SLC24A2: variants seen among roughly 807,000 people sequenced by gnomAD.
SLC24A2 encodes the protein solute carrier family 24 member 2, also known as sodium/potassium/calcium exchanger 2.
SLC24A2 carries 36 observed loss-of-function variants against 62.0 expected under a neutral mutation model. The ratio of observed to expected loss-of-function variants is 0.58; its 90% confidence interval spans 0.44 to 0.77. The LOEUF is 0.77. Among genes scored for constraint, SLC24A2 ranks in the 30% least tolerant of loss-of-function variants. The pLI is 0.00. For missense variants in SLC24A2, 846 were observed against 817.9 expected (o/e 1.03, Z -0.42); for synonymous variants, 358 against 294.0 (o/e 1.22, Z -2.23).
the SLC24A2 span, among the ~76,000 whole-genome samples, chr9:20,101,347 C>G: frequency 1.3e-5 from 2 of 152,196 alleles, no homozygotes; most frequent in Non-Finnish European, 2.9e-5. Flanking sequence ...TTGTTCAGTA[C>G]CTTGCTGTAG....
the SLC24A2 span, among the ~76,000 whole-genome samples, chr9:20,206,543 G>A: frequency 1.3e-5 from 2 of 152,108 alleles, no homozygotes; most frequent in Non-Finnish European, 2.9e-5. Flanking sequence ...AGGCTGGAGT[G>A]CAGTGGCACA....
chr9:19,753,467 A>T (rs1355313823), intron 2 of SLC24A2, among the ~76,000 whole-genome samples: 1 of 152,338 alleles, frequency 6.6e-6, no homozygotes, highest in East Asian at 1.9e-4. Context: ...GTTCATTTTC[A>T]TACAGTTGGG....
intron 7 of SLC24A2, among the ~76,000 whole-genome samples, chr9:19,568,103 T>C (rs1293064708): frequency 6.6e-6 from 1 of 152,198 alleles, no homozygotes; most frequent in Non-Finnish European, 1.5e-5. Flanking sequence ...ACCTCACTCT[T>C]AACGGAACTT....
intron 7 of SLC24A2, among the ~76,000 whole-genome samples, chr9:19,552,721 C>G (rs1834905012): frequency 6.6e-6 from 1 of 152,216 alleles, no homozygotes; most frequent in African/African-American, 2.4e-5. Flanking sequence ...TGACTCATAT[C>G]ATTTTAATGA....
intron 2 of SLC24A2, among the ~76,000 whole-genome samples, chr9:19,646,302 A>G (rs1459944370): frequency 6.6e-6 from 1 of 152,200 alleles, no homozygotes; most frequent in African/African-American, 2.4e-5. Flanking sequence ...GAAAATCTGA[A>G]GAGAAATTGT....
the SLC24A2 span, among the ~76,000 whole-genome samples, chr9:19,903,672 CAG>C: frequency 6.6e-6 from 1 of 152,096 alleles, no homozygotes; most frequent in Admixed American, 6.5e-5. Flanking sequence ...TATGAAATCT[CAG>C]AAATATCCAC....
the SLC24A2 span, among the ~76,000 whole-genome samples, chr9:19,990,989 T>C: frequency 6.9e-6 from 1 of 144,780 alleles, no homozygotes; most frequent in East Asian, 2.0e-4. Context: ...ATGTATGTAT[T>C]ATATATGTGT....
the SLC24A2 span, among the ~76,000 whole-genome samples, chr9:20,009,407 C>T: frequency 2.1e-5 from 3 of 143,190 alleles, no homozygotes; most frequent in East Asian, 2.2e-4. Context: ...AAAAAAAAAG[C>T]GGGCGGGTGA....
intron 2 of SLC24A2, among the ~76,000 whole-genome samples, chr9:19,634,222 A>G (rs1818251434): frequency 6.6e-6 from 1 of 151,022 alleles, no homozygotes; most frequent in Non-Finnish European, 1.5e-5. Context: ...ACAGCAATAC[A>G]GGTAGTATGG....
chr9:20,204,534 T>C, the SLC24A2 span, among the ~76,000 whole-genome samples: 1 of 152,136 alleles, frequency 6.6e-6, no homozygotes, highest in Non-Finnish European at 1.5e-5. Flanking sequence ...TATTGACTTA[T>C]CCTGGACCAA....
chr9:19,697,652 T>C lies in SLC24A2; in HGVS notation c.931-75353A>G, dbSNP rs538903154. Among the ~76,000 whole-genome samples, 5 of 152,314 alleles carry C rather than the reference T, an allele frequency of 3.3e-5. 1 individual carries two copies. The highest frequency in any genetic ancestry group is 1.2e-4 in the African/African-American group (5 of 41,572). Reference sequence around the variant, plus strand: ...TTATCATTTTGTCATTTTAGAAATATTGTATTATTATACCAAGTAGTGAAA... The same window carrying C: ...TTATCATTTTGTCATTTTAGAAATACTGTATTATTATACCAAGTAGTGAAA... On this transcript the variant is annotated intron_variant, in intron 2 of 10. Transcript: ENST00000341998.
chr9:20,110,863 T>C, the SLC24A2 span, among the ~76,000 whole-genome samples: 1 of 152,190 alleles, frequency 6.6e-6, no homozygotes, highest in Non-Finnish European at 1.5e-5. Flanking sequence ...AAGACTGAAA[T>C]ATGTTTTTAT....
the SLC24A2 span, among the ~76,000 whole-genome samples, chr9:20,266,163 T>C: frequency 6.6e-6 from 1 of 152,210 alleles, no homozygotes; most frequent in African/African-American, 2.4e-5. Context: ...TTGTAAAGCA[T>C]GTGATCTCTG....
chr9:20,097,862 A>C, the SLC24A2 span, among the ~76,000 whole-genome samples: 5 of 144,188 alleles, frequency 3.5e-5, no homozygotes, highest in Non-Finnish European at 6.0e-5. Flanking sequence ...CCTGCCTCAG[A>C]CTCCCGAGTA....
chr9:19,877,898 C>A, the SLC24A2 span, among the ~76,000 whole-genome samples: 1 of 152,108 alleles, frequency 6.6e-6, no homozygotes, highest in Non-Finnish European at 1.5e-5. Flanking sequence ...CTTATTTTCT[C>A]ATCCTTATTT....
the SLC24A2 span, among the ~76,000 whole-genome samples, chr9:20,010,246 A>G: frequency 6.6e-6 from 1 of 152,160 alleles, no homozygotes. Flanking sequence ...CTAAATAATA[A>G]AGGTGTTTCA....
the SLC24A2 span, among the ~76,000 whole-genome samples, chr9:20,098,362 C>T: frequency 6.6e-6 from 1 of 152,094 alleles, no homozygotes; most frequent in Non-Finnish European, 1.5e-5. Flanking sequence ...GGCTATGATG[C>T]CCAAACTCTT....
the SLC24A2 span, among the ~76,000 whole-genome samples, chr9:20,114,822 G>T: frequency 6.6e-6 from 1 of 152,134 alleles, no homozygotes; most frequent in South Asian, 2.1e-4. Flanking sequence ...CTCTCTGTAA[G>T]ATGCTGTAGG....
chr9:19,861,849 A>G, the SLC24A2 span, among the ~76,000 whole-genome samples: 2 of 152,134 alleles, frequency 1.3e-5, no homozygotes, highest in Non-Finnish European at 2.9e-5. Flanking sequence ...AGAAGAAAGA[A>G]CTAGTGAACT....
Sources: gnomAD v4.1 joint callset for allele counts (sites outside exome capture counted in the v4.1 genomes callset) on GRCh38, gnomAD v4.1.1 for gene constraint, MANE v1.5 for transcripts, NCBI Gene and HGNC (gene_info 2026-07-23, HGNC 2026-07-21) for gene names.